Variants in SMARCA4 observed in about 807,000 individuals in gnomAD.
SMARCA4 encodes SWI/SNF-related matrix-associated actin-dependent regulator of chromatin subfamily A member 4.
A neutral mutation model predicts 193.9 loss-of-function variants in SMARCA4; 31 were observed. The observed-to-expected ratio is 0.16, with a 90% CI of 0.12 to 0.22. SMARCA4 has a LOEUF of 0.22. Ranked by LOEUF, SMARCA4 falls within the 10% of genes least tolerant of loss-of-function variation. The pLI is 1.00. For missense variants in SMARCA4, 1,148 were observed against 2,296.0 expected (o/e 0.50, Z 10.22); for synonymous variants, 942 against 933.1 (o/e 1.01, Z -0.17).
chr19:11,010,603 T>G, intron 15 of SMARCA4, 72 bp downstream of exon 15: 5 of 1,468,024 alleles, frequency 3.4e-6, no homozygotes, highest in Non-Finnish European at 4.7e-6. Context: ...GGTGCGGGCT[T>G]CAGACCTCAG....
At chr19:10,976,324 C>T (rs1389901882) in intron 1 of SMARCA4, among the ~76,000 whole-genome samples, 1 of 152,176 alleles carries the variant, frequency 6.6e-6, no homozygotes, top group Non-Finnish European at 1.5e-5. Context: ...CCCCACACCC[C>T]ATCCAGCTTC....
At position 11,041,464 on chromosome 19, in the gene SMARCA4, G is replaced by A. The variant is rs2146819579; in HGVS notation, c.4328G>A (p.Arg1443His). The A allele has an allele frequency of 6.2e-7, 1 of 1,612,418 alleles. No individual in the cohort carries two copies. The highest frequency in any genetic ancestry group is 8.5e-7 in the Non-Finnish European group (1 of 1,179,892). Reference protein sequence around the residue: ...KDDESKKQKKRGRPPAEKLSP... With the variant: ...KDDESKKQKKHGRPPAEKLSP... Reference sequence around the variant, plus strand: ...GACGAGAGCAAGAAGCAGAAGAAGCGCGGGCGGCCGCCTGCCGAGAAACTC... The same window carrying A: ...GACGAGAGCAAGAAGCAGAAGAAGCACGGGCGGCCGCCTGCCGAGAAACTC... The change falls in exon 30 of 35, where the codon CGC becomes CAC. Residue 1443 changes from arginine (R) to histidine (H), a missense_variant. Coordinates refer to ENST00000344626, the MANE Select transcript of SMARCA4 (RefSeq NM_003072.5). The surrounding 1 kb of genome is among the most constrained non-coding windows in gnomAD (Gnocchi z 5.6).
intron 15 of SMARCA4, chr19:11,011,831 A>C (rs1002617369): frequency 5.3e-5 from 8 of 152,226 alleles, no homozygotes; most frequent in African/African-American, 1.9e-4. Context: ...TACTAAGTTC[A>C]GCATGAATAT....
chr19:11,033,209 T>G lies in SMARCA4; in HGVS notation c.3547-81T>G. On this transcript the variant is annotated intron_variant, in intron 25 of 34. Coordinates refer to ENST00000344626, the MANE Select transcript of SMARCA4 (RefSeq NM_003072.5). This position sits in a 1 kb window ranked among gnomAD's most constrained non-coding sequence, Gnocchi z 9.8. Reference sequence around the variant, plus strand: ...CCGAGGGTGGCACGCACAGCACACCTCTCCAGCTAGTGTCAGAGGCCACCT... The same window carrying G: ...CCGAGGGTGGCACGCACAGCACACCGCTCCAGCTAGTGTCAGAGGCCACCT... 1 of 1,080,402 alleles carries G rather than the reference T, an allele frequency of 9.3e-7. No homozygotes were observed. The highest frequency in any genetic ancestry group is 1.4e-6 in the Non-Finnish European group (1 of 698,298). 66.9% of individuals were successfully genotyped at this position (1,080,402 alleles called of 1,614,324 possible).
In SMARCA4 at chr19:11,050,288, C is replaced by T. The variant is rs141342116; in HGVS notation, c.4425-7967C>T. Among the ~76,000 whole-genome samples the T allele has an allele frequency of 4.0e-3, 615 of 152,368 alleles. 2 individuals are homozygous for T. Among genetic ancestry groups the T allele is most frequent in the Non-Finnish European group, 7.3e-3 (499 of 68,032 alleles). On this transcript the variant is annotated intron_variant, in intron 30 of 34. Coordinates refer to ENST00000344626, the MANE Select transcript of SMARCA4 (RefSeq NM_003072.5). Reference sequence around the variant, plus strand: ...TCACAAGAGCTCTGGCCCCACCAGGCGGGCCCTCTGGGTTCCATTCCCACT... The same window carrying T: ...TCACAAGAGCTCTGGCCCCACCAGGTGGGCCCTCTGGGTTCCATTCCCACT...
intron 1 of SMARCA4, among the ~76,000 whole-genome samples, chr19:10,971,200 GA>G (rs965216077): frequency 4.1e-4 from 61 of 148,348 alleles, no homozygotes; most frequent in East Asian, 3.3e-3. Context: ...TCATCTCAAA[GA>G]AAAAAAAAAG....
intron 18 of SMARCA4, 148 bp from the exon 19 acceptor site, chr19:11,021,577 G>T (rs914835983): frequency 2.0e-6 from 2 of 998,498 alleles, no homozygotes; most frequent in Non-Finnish European, 3.0e-6. Flanking sequence ...AGTCAGCCCC[G>T]GGGCAGGACG....
intron 20 of SMARCA4, 37 bp from the exon 21 acceptor site, chr19:11,024,294 A>T (rs1330681117): frequency 6.8e-7 from 1 of 1,478,544 alleles, no homozygotes; most frequent in Non-Finnish European, 9.5e-7. Context: ...GCCTCAAGCC[A>T]CCTTGGGCCC....
rs547265852 is a variant in SMARCA4, at chr19:11,016,862, T to C, written c.2439-2095T>C. Among the ~76,000 whole-genome samples, 3 of 152,266 alleles carry C rather than the reference T, an allele frequency of 2.0e-5. No homozygotes were observed. In the South Asian group the frequency reaches 6.2e-4, roughly 32 times the overall value. On this transcript the variant is annotated intron_variant, in intron 16 of 34. Coordinates refer to ENST00000344626, the MANE Select transcript of SMARCA4 (RefSeq NM_003072.5). ...CTTGCTTTTTGGCACCAAGAGATGC[T>C]GCAGGCTCATGTAGTCTATTTCCCG...
rs2146424950 is a variant in SMARCA4, at chr19:11,021,983, T to C, written c.2859+16T>C. ...CGGGGAAAAGGTGGGTTTGCCCAGC[T>C]GTGCCCATGCTGACGGTTCCAGGTG... is the stretch of plus-strand genomic sequence containing the variant. On this transcript the variant is annotated intron_variant, in intron 19 of 34. Coordinates refer to ENST00000344626, the MANE Select transcript of SMARCA4 (RefSeq NM_003072.5). 6.2e-7 allele frequency: 1 copy of C among 1,611,600 alleles called. No individual in the cohort carries two copies. Among genetic ancestry groups the C allele is most frequent in the Non-Finnish European group, 8.5e-7 (1 of 1,179,962 alleles).
intron 13 of SMARCA4, 139 bp downstream of exon 13, chr19:11,003,536 C>A: frequency 1.2e-6 from 1 of 801,570 alleles, no homozygotes; most frequent in Non-Finnish European, 2.2e-6. Context: ...TGCCCGAAGT[C>A]GGTGCTTTAG....
At chr19:10,996,139 G>T (rs891257688) in intron 9 of SMARCA4, 74 bp from the exon 10 acceptor site, 1 of 1,528,658 alleles carries the variant, frequency 6.5e-7, no homozygotes, top group Non-Finnish European at 9.1e-7. Context: ...TGCGCTTCTG[G>T]ATTGACTGGC....
chr19:11,035,634 C>A (rs1361304039), intron 29 of SMARCA4, among the ~76,000 whole-genome samples: 2 of 152,222 alleles, frequency 1.3e-5, no homozygotes, highest in African/African-American at 2.4e-5. Flanking sequence ...GGCCTCTGAA[C>A]CTGGCAGGTG....
intron 21 of SMARCA4, 22 bp downstream of exon 21, chr19:11,024,460 C>T (rs2146477128): frequency 1.3e-6 from 2 of 1,489,338 alleles, no homozygotes; most frequent in South Asian, 1.1e-5. Flanking sequence ...AGTCCCCCAA[C>T]TGCATTCCCC....
At chr19:10,992,863 T>C in intron 8 of SMARCA4, among the ~76,000 whole-genome samples, 1 of 152,104 alleles carries the variant, frequency 6.6e-6, no homozygotes, top group East Asian at 1.9e-4. Context: ...AGTGCTGGGA[T>C]TACAGACGTG....
rs759862377 is a variant in SMARCA4 at position 11,059,860 on chromosome 19, C to T, written c.4743C>T (p.Gly1581=). Residue 1581 remains glycine (G), a synonymous_variant, in exon 33 of 35, where the codon GGC becomes GGT. Transcript: ENST00000344626. ...EGEESEEEEE[G]EEEGSESESR... ...AGGAGAGTGAGGAGGAGGAAGAGGG[C>T]GAGGAGGAAGGCTCCGAATCCGAAT... 1.4e-5 allele frequency: 22 copies of T among 1,613,670 alleles called. No individual in the cohort carries two copies. Among genetic ancestry groups the T allele is most frequent in the South Asian group, 3.3e-5 (3 of 91,078 alleles).
intron 1 of SMARCA4, among the ~76,000 whole-genome samples, chr19:10,977,137 C>T (rs368497493): frequency 3.9e-5 from 6 of 152,120 alleles, no homozygotes; most frequent in Admixed American, 6.6e-5. Context: ...CCAGGGTGGG[C>T]GTGTCATGGC....
rs2087858759 is a variant in SMARCA4, at chr19:11,003,474, C to G, written c.2001+77C>G. On this transcript the variant is annotated intron_variant, in intron 13 of 34. Transcript: ENST00000344626. ...CTTCCACCCTGTGTGTTGTGACCGT[C>G]TCCTGCCCTGGCTGGGCATCTTGTG... is the stretch of plus-strand genomic sequence containing the variant. 6.6e-6 allele frequency: 9 copies of G among 1,356,414 alleles called. No individual in the cohort carries two copies. In the South Asian group the frequency reaches 1.0e-4, roughly 16 times the overall value. 84.0% of individuals were successfully genotyped at this position (1,356,414 alleles called of 1,614,324 possible).
intron 1 of SMARCA4, among the ~76,000 whole-genome samples, chr19:10,964,884 G>C (rs75014601): frequency 6.6e-6 from 1 of 152,130 alleles, no homozygotes; most frequent in African/African-American, 2.4e-5. Context: ...GCCTCCCAAA[G>C]TGTTGGGATT....
Sources: gnomAD v4.1 joint callset for allele counts (sites outside exome capture counted in the v4.1 genomes callset) on GRCh38, gnomAD v4.1.1 for gene constraint, Gnocchi (gnomAD v3.1) non-coding constraint, MANE v1.5 for transcripts, NCBI Gene and HGNC (gene_info 2026-07-23, HGNC 2026-07-21) for gene names.